The following CBL variants were observed in gnomAD, a reference collection of about 807,000 sequenced individuals.
CBL encodes the protein Cbl proto-oncogene.
In CBL, 45 loss-of-function variants were observed where a neutral mutation model predicts 96.9. The observed-to-expected ratio is 0.46, with a 90% CI of 0.37 to 0.60. CBL has a LOEUF of 0.60. Ranked by LOEUF, CBL falls within the 20% of genes least tolerant of loss-of-function variation. The probability of loss-of-function intolerance (pLI) is 0.00; values close to 1 mark genes in which losing one functional copy is unlikely to be tolerated. For missense variants in CBL, 1,024 were observed against 1,143.5 expected, an observed-to-expected ratio of 0.90 and a Z score of 1.51; for synonymous variants, 420 against 426.8, an observed-to-expected ratio of 0.98 and a Z score of 0.20.
intron 3 of CBL, 42 bp downstream of exon 3, chr11:119,271,923 G>A (rs374971362): frequency 1.3e-6 from 2 of 1,592,410 alleles, no homozygotes; most frequent in East Asian, 2.2e-5. Context: ...AAAAACTAAA[G>A]CTTACGAGTT....
chr11:119,276,237 G>A, intron 6 of CBL, 103 bp downstream of exon 6: 1 of 1,193,344 alleles, frequency 8.4e-7, no homozygotes, highest in Non-Finnish European at 1.2e-6. Context: ...TGCAGACTAA[G>A]ATTCAGGAAA....
In CBL at chr11:119,234,810, T is replaced by C. The variant is rs56949956; in HGVS notation, c.443+2115T>C. Among the ~76,000 whole-genome samples, 662 of 152,354 alleles carry C rather than the reference T, an allele frequency of 4.3e-3. 3 individuals are homozygous for C. Among genetic ancestry groups the C allele is most frequent in the African/African-American group, 0.015 (611 of 41,598 alleles). On this transcript the variant is annotated intron_variant, in intron 2 of 15. Transcript: ENST00000264033. Reference sequence around the variant, plus strand: ...AAAAAGTGCTGTGCGAATACAGTTTTGTCCAGTGGCATTAGAGAAGGTGGC... The same window carrying C: ...AAAAAGTGCTGTGCGAATACAGTTTCGTCCAGTGGCATTAGAGAAGGTGGC...
Position 119,297,521 on chromosome 11 carries a change from T to G in CBL, c.2251+40T>G, listed in dbSNP as rs377643990. On this transcript the variant is annotated intron_variant, in intron 14 of 15. Coordinates refer to ENST00000264033, the MANE Select transcript of CBL (RefSeq NM_005188.4). ...TGCTACTTTAAAAATCATTGATATG[T>G]CATAGGAATGAACATGTAATATTTG... 6.9e-4 allele frequency: 946 copies of G among 1,379,572 alleles called. 5 individuals carry two copies. The highest frequency in any genetic ancestry group is 4.7e-3 in the South Asian group (408 of 86,170). 85.5% of individuals were successfully genotyped at this position (1,379,572 alleles called of 1,614,324 possible). A position where few individuals can be genotyped will look rare whatever the true frequency, so the allele number is the denominator to read the frequency against.
intron 1 of CBL, among the ~76,000 whole-genome samples, chr11:119,209,356 G>A (rs557624523): frequency 6.6e-6 from 1 of 152,098 alleles, no homozygotes; most frequent in African/African-American, 2.4e-5. Context: ...CGTGGCTCAC[G>A]CTTGTAATCC....
At chr11:119,256,907 T>C (rs529633649) in intron 2 of CBL, among the ~76,000 whole-genome samples, 26 of 152,220 alleles carry the variant, frequency 1.7e-4, no homozygotes, top group Non-Finnish European at 3.2e-4. Flanking sequence ...TTCATTTTTT[T>C]CTATGGCTGA....
At chr11:119,245,897 C>A (rs981069042) in intron 2 of CBL, among the ~76,000 whole-genome samples, 3 of 130,822 alleles carry the variant, frequency 2.3e-5, no homozygotes, top group African/African-American at 8.4e-5. Context: ...ATTAACTAGT[C>A]TTTGGTATTT....
At chr11:119,215,779 T>C (rs1349139969) in intron 1 of CBL, among the ~76,000 whole-genome samples, 3 of 151,756 alleles carry the variant, frequency 2.0e-5, no homozygotes. Flanking sequence ...GTGAGCTGAG[T>C]TTGTGTCACT....
intron 3 of CBL, 50 bp downstream of exon 3, chr11:119,271,931 G>A (rs377474111): frequency 5.7e-6 from 9 of 1,574,170 alleles, no homozygotes; most frequent in Non-Finnish European, 7.8e-6. Context: ...AAGCTTACGA[G>A]TTTTTTCTTT....
chr11:119,239,806 T>C (rs1396878610), intron 2 of CBL, among the ~76,000 whole-genome samples: 1 of 152,062 alleles, frequency 6.6e-6, no homozygotes, highest in Non-Finnish European at 1.5e-5. Flanking sequence ...TTTTTTGTTT[T>C]ATCATAAACA....
At chr11:119,238,951 C>T (rs569973004) in intron 2 of CBL, among the ~76,000 whole-genome samples, 1 of 152,138 alleles carries the variant, frequency 6.6e-6, no homozygotes, top group African/African-American at 2.4e-5. Context: ...TATATTTCCA[C>T]TTATATTTTT....
chr11:119,283,621 CTTTCT>C (rs1949955049), intron 9 of CBL, among the ~76,000 whole-genome samples: 1 of 36,496 alleles, frequency 2.7e-5, no homozygotes, highest in African/African-American at 8.5e-5. Context: ...CTTTTTAATT[CTTTCT>C]TTTTTTTTTT....
intron 12 of CBL, among the ~76,000 whole-genome samples, chr11:119,291,471 C>T (rs144724135): frequency 4.6e-5 from 7 of 152,248 alleles, no homozygotes; most frequent in East Asian, 1.9e-4. Context: ...TTTGGGAGGC[C>T]GAGGCAAGCG....
At position 119,264,447 on chromosome 11, in the gene CBL, C is replaced by CTTCTCTTCTCTTCTCTTCT. The variant is rs1467484951; in HGVS notation, c.444-7271_444-7270insCTTTCTCTTCTCTTCTCTT. 3.4e-3 allele frequency among the ~76,000 whole-genome samples: 422 copies of CTTCTCTTCTCTTCTCTTCT among 125,670 alleles called. 5 individuals are homozygous for CTTCTCTTCTCTTCTCTTCT. The highest frequency in any genetic ancestry group is 0.013 in the African/African-American group (390 of 30,538). The allele number at this position is 125,670 out of a possible 152,430, so 82.4% of individuals were successfully genotyped here. A position where few individuals can be genotyped will look rare whatever the true frequency, so the allele number is the denominator to read the frequency against. ...TCTTCTCTTCTCTTCTCTTCTTTCT[C>CTTCTCTTCTCTTCTCTTCT]TTCTCTTCTCTTCTCTTTTCTTCTT... On this transcript the variant is annotated intron_variant, in intron 2 of 15. Transcript: ENST00000264033.
Position 119,271,869 on chromosome 11 carries a change from C to T in CBL, c.578C>T (p.Ala193Val), listed in dbSNP as rs749633193. The part of the protein sequence containing the change: ...KADAAEFWRK[A>V]FGEKTIVPWK... ...GATGCTGCGGAATTTTGGAGAAAAG[C>T]TTTTGGGGAAAAGTAAGTCTCAGAA... is the stretch of plus-strand genomic sequence containing the variant. Residue 193 changes from alanine to valine, a missense_variant, in exon 3 of 16, where the codon GCT (alanine) becomes GTT (valine). By Grantham distance (64) the Ala-to-Val change is moderately conservative. Coordinates refer to ENST00000264033, the MANE Select transcript of CBL (RefSeq NM_005188.4). 9.9e-6 allele frequency: 16 copies of T among 1,613,864 alleles called. No homozygotes were observed. In the South Asian group the frequency reaches 1.8e-4, roughly 18 times the overall value.
chr11:119,214,242 CTTT>C (rs879705207), intron 1 of CBL, among the ~76,000 whole-genome samples: 7 of 142,188 alleles, frequency 4.9e-5, no homozygotes, highest in Admixed American at 1.4e-4. Flanking sequence ...CCCGCCCGGA[CTTT>C]TTTTTTTTTT....
rs556694951 is a variant in CBL, at chr11:119,278,330, T to C, written c.1227+33T>C. The C allele has an allele frequency of 4.3e-6, 7 of 1,613,192 alleles. No individual in the cohort carries two copies. In the African/African-American group the frequency reaches 6.7e-5, roughly 15 times the overall value. On this transcript the variant is annotated intron_variant, in intron 8 of 15. Transcript: ENST00000264033. ...TCTAAACAGCGACTTTTTTCAGCTATGTAATAACCTTGGAAAATTCGGTAT... is the reference window on the plus strand; with the variant it reads ...TCTAAACAGCGACTTTTTTCAGCTACGTAATAACCTTGGAAAATTCGGTAT...
chr11:119,212,503 A>C (rs11217185), intron 1 of CBL, among the ~76,000 whole-genome samples: 7,287 of 151,406 alleles, frequency 0.048, 580 homozygotes, highest in African/African-American at 0.16. Flanking sequence ...GTGCATCCCT[A>C]TAATCCCAGC....
chr11:119,271,471 A>G (rs1178142892), intron 2 of CBL, among the ~76,000 whole-genome samples: 1 of 152,226 alleles, frequency 6.6e-6, no homozygotes, highest in Non-Finnish European at 1.5e-5. Flanking sequence ...CTTTCATATG[A>G]TCTTACAGCA....
chr11:119,256,260 C>T (rs577164228), intron 2 of CBL, among the ~76,000 whole-genome samples: 3 of 150,640 alleles, frequency 2.0e-5, no homozygotes, highest in South Asian at 2.1e-4. Context: ...GGTGCGATCT[C>T]GACTCACTGC....
Sources: gnomAD v4.1 joint callset for allele counts (sites outside exome capture counted in the v4.1 genomes callset) on GRCh38, gnomAD v4.1.1 for gene constraint, MANE v1.5 for transcripts, NCBI Gene and HGNC (gene_info 2026-07-23, HGNC 2026-07-21) for gene names.